SPG11: variants seen among roughly 807,000 people sequenced by gnomAD.
SPG11 encodes the protein SPG11 vesicle trafficking associated, spatacsin.
Under a neutral mutation model 274.0 loss-of-function variants are expected in SPG11, and 222 were observed. The observed-to-expected ratio is 0.81, with a 90% confidence interval of 0.73 to 0.91. The LOEUF is 0.91. Ranked by LOEUF, SPG11 falls within the 40% of genes least tolerant of loss-of-function variation. The pLI, the probability that SPG11 is intolerant of heterozygous loss-of-function variation, is 0.00. For synonymous variants in SPG11, 1,144 were observed against 1,039.7 expected (o/e 1.10, Z -1.93); for missense variants, 3,114 against 2,872.7 (o/e 1.08, Z -1.92).
intron 8 of SPG11, 114 bp downstream of exon 8, chr15:44,633,391 C>G: frequency 5.4e-6 from 2 of 369,954 alleles, no homozygotes; most frequent in Non-Finnish European, 9.1e-6. Context: ...CGTAAAATCC[C>G]ATGACTAAGT....
rs1595822072 is a variant in SPG11 at position 44,569,389 on chromosome 15, T to C, written c.6585+9A>G. ...CACCCCATCCTGGAGCTCATTACTTTGCACCTACCGGATCCAACTTCTTCC... is the reference window on the plus strand; with the variant it reads ...CACCCCATCCTGGAGCTCATTACTTCGCACCTACCGGATCCAACTTCTTCC... On this transcript the variant is annotated intron_variant, in intron 35 of 39. Transcript: ENST00000261866. The C allele has an allele frequency of 6.3e-7, 1 of 1,582,216 alleles. No individual in the cohort carries two copies. The highest frequency in any genetic ancestry group is 2.3e-5 in the East Asian group (1 of 44,380).
intron 20 of SPG11, among the ~76,000 whole-genome samples, chr15:44,602,416 A>G (rs1381007600): frequency 6.6e-6 from 1 of 151,962 alleles, no homozygotes; most frequent in East Asian, 1.9e-4. Flanking sequence ...AGTTTTTATT[A>G]TGAAAGGATG....
intron 20 of SPG11, among the ~76,000 whole-genome samples, chr15:44,603,809 G>A (rs967302858): frequency 5.9e-5 from 9 of 152,214 alleles, no homozygotes; most frequent in Admixed American, 2.6e-4. Flanking sequence ...CCCAATAAAT[G>A]TAAATGCCAT....
At chr15:44,660,704 A>G in intron 1 of SPG11, 88 bp from the exon 2 acceptor site, 1 of 1,240,652 alleles carries the variant, frequency 8.1e-7, no homozygotes, top group South Asian at 1.2e-5. Context: ...GAATAAGTAG[A>G]GAACAGTTTA....
At chr15:44,586,208 C>T (rs181571228) in intron 28 of SPG11, among the ~76,000 whole-genome samples, 7 of 151,112 alleles carry the variant, frequency 4.6e-5, no homozygotes, top group East Asian at 3.9e-4. Flanking sequence ...TGCTCTCGAC[C>T]GTGCCCGGAC....
intron 7 of SPG11, among the ~76,000 whole-genome samples, chr15:44,638,051 C>A (rs1187302659): frequency 6.6e-6 from 1 of 152,124 alleles, no homozygotes; most frequent in African/African-American, 2.4e-5. Flanking sequence ...AACCTAAATA[C>A]ATAATAATGT....
chr15:44,652,397 CCTT>C (rs952416026), intron 4 of SPG11, 131 bp from the exon 5 acceptor site: 4 of 911,890 alleles, frequency 4.4e-6, no homozygotes, highest in African/African-American at 3.3e-5. Context: ...GAAAGGAACT[CCTT>C]ATCTCCCTTG....
chr15:44,597,844 GA>G (rs1329606935), intron 23 of SPG11, among the ~76,000 whole-genome samples: 1 of 152,076 alleles, frequency 6.6e-6, no homozygotes, highest in Admixed American at 6.5e-5. Context: ...ATAATAAAAT[GA>G]AAAAAGTAAG....
At chr15:44,573,217 C>T in intron 32 of SPG11, 1 of 514,272 alleles carries the variant, frequency 1.9e-6, no homozygotes, top group Non-Finnish European at 3.5e-6. Flanking sequence ...TATCTCCTGA[C>T]CTCGTGATCT....
Position 44,569,164 on chromosome 15 carries a change from C to CA in SPG11, c.6585+233dup, listed in dbSNP as rs1188132986. On this transcript the variant is annotated intron_variant, in intron 35 of 39. Coordinates refer to ENST00000261866, the MANE Select transcript of SPG11 (RefSeq NM_025137.4). ...CTGAGAAACGAGCGAAACTCCGTCTCAAAAAAAAAAAAAAGAAAAAGAAAA... is the reference window on the plus strand; with the variant it reads ...CTGAGAAACGAGCGAAACTCCGTCTCAAAAAAAAAAAAAAAGAAAAAGAAAA... Among the ~76,000 whole-genome samples, 1,058 of 70,868 alleles carry CA rather than the reference C, an allele frequency of 0.015. 10 individuals carry two copies. Among genetic ancestry groups the CA allele is most frequent in the African/African-American group, 0.042 (843 of 20,006 alleles). The allele number at this position is 70,868 out of a possible 152,430, so 46.5% of individuals were successfully genotyped here.
intron 16 of SPG11, among the ~76,000 whole-genome samples, chr15:44,614,526 T>C (rs752830134): frequency 6.6e-6 from 1 of 152,188 alleles, no homozygotes; most frequent in Non-Finnish European, 1.5e-5. Context: ...GCCCGGCCAA[T>C]TCCTAGTCTT....
At chr15:44,602,241 AACT>A (rs2083211173) in intron 20 of SPG11, among the ~76,000 whole-genome samples, 1 of 152,034 alleles carries the variant, frequency 6.6e-6, no homozygotes, top group Non-Finnish European at 1.5e-5. Flanking sequence ...CTAGGACTTC[AACT>A]ACTATGTTGA....
In SPG11 at chr15:44,659,322, T is replaced by C. The variant is rs2085035494; in HGVS notation, c.443-19A>G. Reference sequence around the variant, plus strand: ...GAAATACCTACAAAACAAAAGGATATTATTTCAAACTCATTGGTCACAATT... The same window carrying C: ...GAAATACCTACAAAACAAAAGGATACTATTTCAAACTCATTGGTCACAATT... On this transcript the variant is annotated intron_variant, in intron 2 of 39. Transcript: ENST00000261866. 2 of 1,595,754 alleles carry C rather than the reference T, an allele frequency of 1.3e-6. No individual in the cohort carries two copies. The highest frequency in any genetic ancestry group is 1.3e-5 in the African/African-American group (1 of 74,554).
intron 12 of SPG11, 160 bp from the exon 13 acceptor site, chr15:44,622,507 A>T: frequency 1.3e-6 from 1 of 765,142 alleles, no homozygotes; most frequent in Non-Finnish European, 2.1e-6. Flanking sequence ...TGAACATTTG[A>T]GTTAATGTAT....
In SPG11 at chr15:44,626,380, T is replaced by C. The variant is rs1005179453; in HGVS notation, c.2195A>G (p.Asn732Ser). ...TTCCTTTATATTGTTCTTTTTTAAATTGTCAAAGACCAAATTTAGGCCTAT... is the reference window on the plus strand; with the variant it reads ...TTCCTTTATATTGTTCTTTTTTAAACTGTCAAAGACCAAATTTAGGCCTAT... The part of the protein sequence containing the change: ...IGIGLNLVFD[N>S]LKKNNIKEAS... The change falls in exon 11 of 40, where the codon AAT (asparagine) becomes AGT (serine). Residue 732 changes from asparagine (N) to serine (S), a missense_variant. By Grantham distance (46) the Asn-to-Ser change is conservative. Transcript: ENST00000261866. 3.7e-6 allele frequency: 6 copies of C among 1,613,502 alleles called. No homozygotes were observed. Among genetic ancestry groups the C allele is most frequent in the Non-Finnish European group, 5.1e-6 (6 of 1,179,890 alleles).
At chr15:44,656,505 T>A (rs564874811) in intron 4 of SPG11, among the ~76,000 whole-genome samples, 1 of 152,108 alleles carries the variant, frequency 6.6e-6, no homozygotes, top group Non-Finnish European at 1.5e-5. Flanking sequence ...GGTCAATGAA[T>A]TGGAAATTCC....
At chr15:44,597,130 T>C (rs1443235248) in intron 23 of SPG11, 187 bp from the exon 24 acceptor site, 7 of 538,856 alleles carry the variant, frequency 1.3e-5, no homozygotes, top group Non-Finnish European at 2.2e-5. Context: ...TTTTTTTTTT[T>C]GAGACAGAGT....
chr15:44,566,904 T>C (rs1158385354), intron 36 of SPG11, among the ~76,000 whole-genome samples: 1 of 152,004 alleles, frequency 6.6e-6, no homozygotes, highest in Admixed American at 6.6e-5. Flanking sequence ...GATTGCACCA[T>C]GTTGCCCAGG....
chr15:44,614,981 G>A (rs1305765220), intron 16 of SPG11, among the ~76,000 whole-genome samples: 1 of 152,156 alleles, frequency 6.6e-6, no homozygotes, highest in Admixed American at 6.6e-5. Context: ...TACCTTGAAA[G>A]TGAAATACAG....
Sources: gnomAD v4.1 joint callset for allele counts (sites outside exome capture counted in the v4.1 genomes callset) on GRCh38, gnomAD v4.1.1 for gene constraint, MANE v1.5 for transcripts, NCBI Gene and HGNC (gene_info 2026-07-23, HGNC 2026-07-21) for gene names.